Variants in UPP2 observed in about 807,000 individuals in gnomAD.
The protein encoded by UPP2 is UPase 2.
UPP2 carries 23 observed loss-of-function variants against 26.7 expected under a neutral mutation model. The observed-to-expected ratio is 0.86, with a 90% CI of 0.62 to 1.22. The LOEUF (loss-of-function observed/expected upper bound fraction) is 1.22. UPP2 is among the 50% of genes most tolerant of loss of function. The probability of loss-of-function intolerance (pLI) is 0.00; values close to 1 mark genes in which losing one functional copy is unlikely to be tolerated. For synonymous variants in UPP2, 127 were observed against 141.3 expected, an observed-to-expected ratio of 0.90 and a Z score of 0.72; for missense variants, 387 against 396.7, an observed-to-expected ratio of 0.98 and a Z score of 0.21.
intron 3 of UPP2, among the ~76,000 whole-genome samples, chr2:158,096,520 G>T (rs373728010): frequency 6.6e-6 from 1 of 152,238 alleles, no homozygotes; most frequent in East Asian, 1.9e-4. Context: ...AATTGCTTGA[G>T]CCTGGGAAGC....
At chr2:158,040,613 C>T (rs1285024402) in intron 3 of UPP2, among the ~76,000 whole-genome samples, 1 of 152,186 alleles carries the variant, frequency 6.6e-6, no homozygotes, top group African/African-American at 2.4e-5. Flanking sequence ...GACTGAAGTG[C>T]TCATTTAACT....
intron 3 of UPP2, among the ~76,000 whole-genome samples, chr2:158,050,038 A>G (rs897815029): frequency 1.7e-4 from 26 of 152,118 alleles, no homozygotes; most frequent in African/African-American, 5.6e-4. Flanking sequence ...GTTAATCTTG[A>G]TTCCTGACAT....
chr2:158,030,634 G>A (rs756438079), intron 3 of UPP2, among the ~76,000 whole-genome samples: 3 of 152,192 alleles, frequency 2.0e-5, no homozygotes, highest in Non-Finnish European at 4.4e-5. Flanking sequence ...TTGGGCTGAT[G>A]TCTAAGCCCA....
At chr2:158,060,251 G>A (rs1682332723) in intron 3 of UPP2, among the ~76,000 whole-genome samples, 1 of 152,110 alleles carries the variant, frequency 6.6e-6, no homozygotes, top group African/African-American at 2.4e-5. Context: ...CTGTATGAAA[G>A]CTCCTAAGGC....
At chr2:158,010,514 C>T (rs1683558034) in intron 2 of UPP2, among the ~76,000 whole-genome samples, 1 of 152,122 alleles carries the variant, frequency 6.6e-6, no homozygotes, top group Admixed American at 6.5e-5. Flanking sequence ...GTTGCATTTT[C>T]ACAGTTACGG....
At position 158,095,805 on chromosome 2, in the gene UPP2, C is replaced by A. The variant is rs544085133; in HGVS notation, c.148-6235C>A. Among the ~76,000 whole-genome samples the A allele has an allele frequency of 3.3e-5, 5 of 150,954 alleles. No individual in the cohort carries two copies. In the South Asian group the frequency reaches 6.3e-4, roughly 19 times the overall value. ...TCCTGTTTTTTTTTTCATTATTTTT[C>A]CTTATCCTTCAGATTTCTATTCTGA... is the stretch of plus-strand genomic sequence containing the variant. On this transcript the variant is annotated intron_variant, in intron 3 of 9. Transcript: ENST00000605860.
At chr2:158,127,841 C>A in intron 6 of UPP2, 1 of 205,324 alleles carries the variant, frequency 4.9e-6, no homozygotes, top group Non-Finnish European at 8.6e-6. Flanking sequence ...GGAATTCACC[C>A]AATTATTCCA....
chr2:158,075,994 T>G (rs957373483), intron 3 of UPP2, among the ~76,000 whole-genome samples: 2 of 151,780 alleles, frequency 1.3e-5, no homozygotes, highest in Non-Finnish European at 2.9e-5. Context: ...AAAGGAGACA[T>G]TACAACTGAT....
At chr2:158,053,517 C>T (rs1390465585) in intron 3 of UPP2, among the ~76,000 whole-genome samples, 1 of 152,130 alleles carries the variant, frequency 6.6e-6, no homozygotes, top group Non-Finnish European at 1.5e-5. Context: ...TTGTACAGGC[C>T]TAGCTCAGTA....
intron 3 of UPP2, among the ~76,000 whole-genome samples, chr2:158,086,161 A>C (rs1195059583): frequency 2.0e-5 from 3 of 151,926 alleles, no homozygotes; most frequent in Non-Finnish European, 4.4e-5. Context: ...ATTTTTAATT[A>C]CCATTTATCT....
chr2:158,029,695 A>G (rs1318403086), intron 3 of UPP2, among the ~76,000 whole-genome samples: 1 of 152,170 alleles, frequency 6.6e-6, no homozygotes, highest in East Asian at 1.9e-4. Flanking sequence ...AAGTTATTTC[A>G]CAAAGGGAGG....
chr2:158,078,844 G>A lies in UPP2; in HGVS notation c.148-23196G>A, dbSNP rs190925905. 4.3e-3 allele frequency among the ~76,000 whole-genome samples: 656 copies of A among 152,236 alleles called. 3 individuals carry two copies. The highest frequency in any genetic ancestry group is 9.2e-3 in the Admixed American group (140 of 15,278). ...ATGGATACCCCGTTTACCCTGATGTGGTTATTGCATGTTGCATGTCTGTAC... is the reference window on the plus strand; with the variant it reads ...ATGGATACCCCGTTTACCCTGATGTAGTTATTGCATGTTGCATGTCTGTAC... On this transcript the variant is annotated intron_variant, in intron 3 of 9. Transcript: ENST00000605860.
intron 3 of UPP2, among the ~76,000 whole-genome samples, chr2:158,049,163 G>A (rs147145519): frequency 3.9e-5 from 6 of 152,266 alleles, no homozygotes; most frequent in Non-Finnish European, 5.9e-5. Flanking sequence ...TAAAATAATG[G>A]TTGACTTTGG....
At chr2:158,132,779 C>T (rs1683847025) in intron 6 of UPP2, among the ~76,000 whole-genome samples, 1 of 152,042 alleles carries the variant, frequency 6.6e-6, no homozygotes, top group South Asian at 2.1e-4. Context: ...AAACACTCAA[C>T]CTCACTAGTC....
At chr2:158,066,348 A>T (rs1316495622) in intron 3 of UPP2, among the ~76,000 whole-genome samples, 1 of 152,218 alleles carries the variant, frequency 6.6e-6, no homozygotes. Flanking sequence ...ATCATGCAGT[A>T]TTGAGTTATG....
Position 158,123,759 on chromosome 2 carries a change from A to C in UPP2, c.675A>C (p.Arg225=), listed in dbSNP as rs1683627946. 6.2e-7 allele frequency: 1 copy of C among 1,613,914 alleles called. No individual in the cohort carries two copies. The highest frequency in any genetic ancestry group is 8.5e-7 in the Non-Finnish European group (1 of 1,179,874). The part of the protein sequence containing the change: ...CTYDFYEGQG[R]LDGALCSFSR... Reference sequence around the variant, plus strand: ...TCCCCTCCCTTTCAGGCCAAGGCCGACTAGATGGAGCACTGTGCTCCTTTT... The same window carrying C: ...TCCCCTCCCTTTCAGGCCAAGGCCGCCTAGATGGAGCACTGTGCTCCTTTT... The change falls in exon 6 of 7, where the codon CGA becomes CGC. Residue 225 remains arginine, a synonymous_variant. Coordinates refer to ENST00000005756, the MANE Select transcript of UPP2 (RefSeq NM_173355.4).
At chr2:158,054,383 A>AG (rs1165799614) in intron 3 of UPP2, among the ~76,000 whole-genome samples, 2 of 91,016 alleles carry the variant, frequency 2.2e-5, no homozygotes, top group African/African-American at 6.9e-5. Context: ...GGTTATTTTG[A>AG]GGTTTTTTTT....
intron 3 of UPP2, among the ~76,000 whole-genome samples, chr2:158,016,107 T>G (rs1353092803): frequency 6.6e-6 from 1 of 151,466 alleles, no homozygotes; most frequent in Non-Finnish European, 1.5e-5. Flanking sequence ...TTTCTCCACA[T>G]CCTCACTAAC....
chr2:158,093,447 A>G (rs1167001706), intron 3 of UPP2, among the ~76,000 whole-genome samples: 1 of 152,184 alleles, frequency 6.6e-6, no homozygotes, highest in Non-Finnish European at 1.5e-5. Flanking sequence ...AAACATAATG[A>G]CATGGAAAGT....
Sources: gnomAD v4.1 joint callset for allele counts (sites outside exome capture counted in the v4.1 genomes callset) on GRCh38, gnomAD v4.1.1 for gene constraint, MANE v1.5 for transcripts, NCBI Gene and HGNC (gene_info 2026-07-23, HGNC 2026-07-21) for gene names.